The following ZNF292 variants were observed in gnomAD, a reference collection of about 807,000 sequenced individuals.
The protein encoded by ZNF292 is 16 zinc-finger domain protein.
In ZNF292, 26 loss-of-function variants were observed where a neutral mutation model predicts 217.9. That is an observed-to-expected ratio of 0.12 (90% CI 0.09 to 0.17). The LOEUF (loss-of-function observed/expected upper bound fraction) is 0.17, where lower values mean the gene tolerates loss of function less well. Among genes scored for constraint, ZNF292 ranks in the 10% least tolerant of loss-of-function variants. The probability of loss-of-function intolerance (pLI) is 1.00; values close to 1 mark genes in which losing one functional copy is unlikely to be tolerated. For missense variants in ZNF292, 2,904 were observed against 3,175.2 expected, an observed-to-expected ratio of 0.91 and a Z score of 2.05; for synonymous variants, 1,257 against 1,124.1, an observed-to-expected ratio of 1.12 and a Z score of -2.37.
chr6:87,202,706 C>T (rs147536954), intron 1 of ZNF292, among the ~76,000 whole-genome samples: 724 of 152,198 alleles, frequency 4.8e-3, no homozygotes, highest in Middle Eastern at 0.034. Flanking sequence ...TTCTTCTTTA[C>T]CTCAAGTTGC....
At chr6:87,233,237 C>T (rs1172998045) in intron 4 of ZNF292, 88 bp from the exon 5 acceptor site, 10 of 945,994 alleles carry the variant, frequency 1.1e-5, no homozygotes, top group South Asian at 2.0e-5. Context: ...TTTTAGTTCC[C>T]GTGTTTAAAA....
At chr6:87,227,063 A>G (rs1012660111) in intron 4 of ZNF292, among the ~76,000 whole-genome samples, 7 of 152,198 alleles carry the variant, frequency 4.6e-5, no homozygotes, top group African/African-American at 1.7e-4. Context: ...ATCTTATTTT[A>G]CGCAAAAATT....
In ZNF292 at chr6:87,260,379, A is replaced by G. The variant is rs1486754877; in HGVS notation, c.6750A>G (p.Thr2250=). The change falls in exon 8 of 8, where the codon ACA becomes ACG. Residue 2250 remains threonine, a synonymous_variant. Transcript: ENST00000369577. ...GGATTGGACTAAGGGCAAGTAAAACAGAAGAAGATGGTGTATACAAATGTG... is the reference window on the plus strand; with the variant it reads ...GGATTGGACTAAGGGCAAGTAAAACGGAAGAAGATGGTGTATACAAATGTG... The part of the protein sequence containing the change: ...DHGIGLRASK[T]EEDGVYKCDC... 6.2e-7 allele frequency: 1 copy of G among 1,613,420 alleles called. No homozygotes were observed. The highest frequency in any genetic ancestry group is 8.5e-7 in the Non-Finnish European group (1 of 1,179,592).
Position 87,261,192 on chromosome 6 carries a change from G to A in ZNF292, c.7563G>A (p.Gln2521=). The change falls in exon 8 of 8, where the codon CAG becomes CAA. Residue 2521 remains glutamine, a synonymous_variant. Coordinates refer to ENST00000369577, the MANE Select transcript of ZNF292 (RefSeq NM_015021.3). ...ATTTTCAGGAAGATAACCTCTGCCA[G>A]TCAGAAAGACAAAAAGCAAGTAATT... ...SNDFQEDNLC[Q]SERQKASNLK... 6.2e-7 allele frequency: 1 copy of A among 1,612,454 alleles called. No homozygotes were observed. The highest frequency in any genetic ancestry group is 8.5e-7 in the Non-Finnish European group (1 of 1,179,458).
Position 87,264,642 on chromosome 6 carries a change from G to C in ZNF292, c.*2841G>C, listed in dbSNP as rs1274423130. ...GGACAAGGGAATTCCAGACTTGGGG[G>C]TAGAGCGTAATTGCGGTATTGCCAG... On this transcript the variant is annotated 3_prime_UTR_variant, in exon 8 of 8. Coordinates refer to ENST00000369577, the MANE Select transcript of ZNF292 (RefSeq NM_015021.3). 6.6e-6 allele frequency among the ~76,000 whole-genome samples: 1 copy of C among 152,180 alleles called. No individual in the cohort carries two copies. The highest frequency in any genetic ancestry group is 1.9e-4 in the East Asian group (1 of 5,202).
intron 1 of ZNF292, among the ~76,000 whole-genome samples, chr6:87,196,799 C>G (rs187119362): frequency 6.6e-6 from 1 of 152,270 alleles, no homozygotes; most frequent in East Asian, 1.9e-4. Flanking sequence ...CGTATTTAGT[C>G]CTTCCTAATG....
intron 4 of ZNF292, among the ~76,000 whole-genome samples, chr6:87,226,440 A>G (rs1773346838): frequency 6.6e-6 from 1 of 151,924 alleles, no homozygotes; most frequent in Non-Finnish European, 1.5e-5. Flanking sequence ...GCTAGCGATA[A>G]CTAATGTTGC....
At chr6:87,196,646 A>C (rs1758130843) in intron 1 of ZNF292, among the ~76,000 whole-genome samples, 1 of 151,988 alleles carries the variant, frequency 6.6e-6, no homozygotes, top group African/African-American at 2.4e-5. Flanking sequence ...ATACTGTGGT[A>C]ACTAAGTGTT....
intron 5 of ZNF292, among the ~76,000 whole-genome samples, chr6:87,235,757 C>G (rs927773213): frequency 1.3e-5 from 2 of 152,028 alleles, no homozygotes; most frequent in Admixed American, 6.6e-5. Flanking sequence ...TTCCCTCCCC[C>G]CCACTTCTCA....
intron 1 of ZNF292, among the ~76,000 whole-genome samples, chr6:87,182,937 A>C (rs1771514076): frequency 6.6e-6 from 1 of 152,188 alleles, no homozygotes; most frequent in African/African-American, 2.4e-5. Context: ...GATATTATTG[A>C]AGATAAAACT....
At position 87,259,368 on chromosome 6, in the gene ZNF292, T is replaced by G. The variant is rs746712677; in HGVS notation, c.5739T>G (p.Ala1913=). 6.2e-7 allele frequency: 1 copy of G among 1,612,986 alleles called. No individual in the cohort carries two copies. Among genetic ancestry groups the G allele is most frequent in the South Asian group, 1.1e-5 (1 of 91,004 alleles). The change falls in exon 8 of 8, where the codon GCT becomes GCG. Residue 1913 remains alanine (A), a synonymous_variant. Transcript: ENST00000369577. ...AAAACCAAGGCTGTAACTACAGTGC[T>G]ATGACAAAGGATGCACTATTTAAGC... ...VCQNQGCNYS[A]MTKDALFKHY... is the part of the protein sequence containing the mutation.
Position 87,255,947 on chromosome 6 carries a change from A to G in ZNF292, c.2318A>G (p.Glu773Gly). Residue 773 changes from glutamate to glycine, a missense_variant, in exon 8 of 8, where the codon GAG becomes GGG. Physicochemically the swap from Glu to Gly is moderately conservative, Grantham distance 98 (BLOSUM62 -2). This residue lies in a region of ZNF292 where 216 missense variants were observed against 308.3 expected (regional missense o/e 0.70). Transcript: ENST00000369577. ...GCCGAGCTTTTAACCCACCGAAAGG[A>G]GCATCAAGTCTTTAGAGCAAAATGT... ...SYAELLTHRK[E>G]HQVFRAKCMF... The G allele has an allele frequency of 6.2e-7, 1 of 1,613,090 alleles. No individual in the cohort carries two copies. The highest frequency in any genetic ancestry group is 8.5e-7 in the Non-Finnish European group (1 of 1,179,470).
intron 1 of ZNF292, among the ~76,000 whole-genome samples, chr6:87,214,268 C>G (rs1472890721): frequency 6.6e-6 from 1 of 152,132 alleles, no homozygotes; most frequent in Admixed American, 6.5e-5. Flanking sequence ...CAAGAGGGTA[C>G]AGAAACATGG....
chr6:87,231,169 T>C (rs1482373864), intron 4 of ZNF292, among the ~76,000 whole-genome samples: 2 of 152,152 alleles, frequency 1.3e-5, no homozygotes, highest in South Asian at 2.1e-4. Flanking sequence ...AAGTGAGCTT[T>C]CAATAGGACT....
chr6:87,235,211 A>C (rs1244983989), intron 5 of ZNF292, among the ~76,000 whole-genome samples: 2 of 140,464 alleles, frequency 1.4e-5, no homozygotes, highest in Non-Finnish European at 3.0e-5. Context: ...CAGATGTATA[A>C]AATTTATTGA....
At chr6:87,209,173 G>A (rs1435351247) in intron 1 of ZNF292, among the ~76,000 whole-genome samples, 4 of 150,594 alleles carry the variant, frequency 2.7e-5, no homozygotes, top group Non-Finnish European at 5.9e-5. Flanking sequence ...ATTATGCAGA[G>A]TTAGTGGGTT....
intron 7 of ZNF292, among the ~76,000 whole-genome samples, chr6:87,253,309 G>A (rs9444488): frequency 0.38 from 55,952 of 147,260 alleles, 10,966 homozygotes; most frequent in Admixed American, 0.53. Context: ...GCTCACTGCA[G>A]CCTCAGCCTT....
chr6:87,166,830 C>T (rs1460245058), intron 1 of ZNF292, among the ~76,000 whole-genome samples: 1 of 152,014 alleles, frequency 6.6e-6, no homozygotes, highest in East Asian at 1.9e-4. Context: ...ATTTTGGATT[C>T]CTTCATTGTA....
rs1775630710 is a variant in ZNF292 at position 87,261,989 on chromosome 6, TGAG to T, written c.*191_*193del. 2.4e-6 allele frequency: 1 copy of T among 417,912 alleles called. No homozygotes were observed. The highest frequency in any genetic ancestry group is 4.2e-6 in the Non-Finnish European group (1 of 237,376). The allele number at this position is 417,912 out of a possible 1,614,324, so 25.9% of individuals were successfully genotyped here. A position where few individuals can be genotyped will look rare whatever the true frequency, so the allele number is the denominator to read the frequency against. ...AACTTTTTTTTATCCCTATGGGACT[TGAG>T]GAACAGAATCAGTACTTCAGTTATT... is the stretch of plus-strand genomic sequence containing the variant. On this transcript the variant is annotated 3_prime_UTR_variant, in exon 8 of 8. Transcript: ENST00000369577.
Sources: allele counts gnomAD v4.1 joint callset (sites outside exome capture counted in the v4.1 genomes callset), GRCh38; gene constraint gnomAD v4.1.1; regional missense constraint gnomAD v4.1.1; transcripts MANE v1.5; gene names NCBI Gene and HGNC (gene_info 2026-07-23, HGNC 2026-07-21).